The following SEC24A variants were observed in gnomAD, a reference collection of about 807,000 sequenced individuals.
SEC24A encodes the protein SEC24 homolog A, COPII component.
Under a neutral mutation model 129.4 loss-of-function variants are expected in SEC24A, and 93 were observed. The ratio of observed to expected loss-of-function variants is 0.72; its 90% CI spans 0.61 to 0.85. The LOEUF is 0.85. Among genes scored for constraint, SEC24A ranks in the 40% least tolerant of loss-of-function variants. The probability of loss-of-function intolerance (pLI) is 0.00; values close to 1 mark genes in which losing one functional copy is unlikely to be tolerated. For missense variants in SEC24A, 1,264 were observed against 1,307.4 expected (o/e 0.97, Z 0.51); for synonymous variants, 460 against 467.3 (o/e 0.98, Z 0.20).
Position 134,706,522 on chromosome 5 carries a change from C to T in SEC24A, c.2551+1085C>T, listed in dbSNP as rs1264613423. On this transcript the variant is annotated intron_variant, in intron 17 of 22. Transcript: ENST00000398844. ...ATTTTCTTTCTTTTGTTTTTGAAAA[C>T]AGTGTCTTGCTCTGTCACCCAGGGT... Among the ~76,000 whole-genome samples, 5 of 152,176 alleles carry T rather than the reference C, an allele frequency of 3.3e-5. No homozygotes were observed. In the East Asian group the frequency reaches 7.7e-4, roughly 24 times the overall value.
chr5:134,709,546 T>C (rs1459131152), intron 18 of SEC24A, among the ~76,000 whole-genome samples: 3 of 152,194 alleles, frequency 2.0e-5, no homozygotes, highest in Non-Finnish European at 2.9e-5. Flanking sequence ...TTCTCACTTA[T>C]ATGTGAAAGC....
At chr5:134,665,265 C>T (rs1297868170) in intron 2 of SEC24A, among the ~76,000 whole-genome samples, 1 of 151,104 alleles carries the variant, frequency 6.6e-6, no homozygotes, top group Non-Finnish European at 1.5e-5. Flanking sequence ...TCCAGCCTGG[C>T]CAATATGGTG....
chr5:134,677,644 C>T (rs1245184841), intron 7 of SEC24A, among the ~76,000 whole-genome samples: 1 of 151,482 alleles, frequency 6.6e-6, no homozygotes, highest in Non-Finnish European at 1.5e-5. Flanking sequence ...TCAAGACCAG[C>T]CTGGCCAACG....
Position 134,723,625 on chromosome 5 carries a change from G to C in SEC24A, c.3122G>C (p.Trp1041Ser). The C allele has an allele frequency of 1.2e-6, 2 of 1,612,940 alleles. No individual in the cohort carries two copies. Among genetic ancestry groups the C allele is most frequent in the South Asian group, 2.2e-5 (2 of 91,020 alleles). Reference protein sequence around the residue: ...ESARIIAFISWLREQRPFFPI... With the variant: ...ESARIIAFISSLREQRPFFPI... ...GCCAGAATAATAGCTTTCATCTCTT[G>C]GCTTAGAGAGCAGAGACCATTTTTC... Residue 1041 changes from tryptophan to serine, a missense_variant, in exon 22 of 23, where the codon TGG becomes TCG. Coordinates refer to ENST00000398844, the MANE Select transcript of SEC24A (RefSeq NM_021982.3).
At chr5:134,689,004 G>A (rs1254573134) in intron 11 of SEC24A, among the ~76,000 whole-genome samples, 1 of 152,098 alleles carries the variant, frequency 6.6e-6, no homozygotes, top group African/African-American at 2.4e-5. Context: ...TGACAAAGGT[G>A]CCTAGAACAA....
rs1022684749 is a variant in SEC24A at position 134,727,700 on chromosome 5, A to G, written c.*2606A>G. 1.3e-5 allele frequency: 2 copies of G among 152,544 alleles called. No homozygotes were observed. The highest frequency in any genetic ancestry group is 4.8e-5 in the African/African-American group (2 of 41,416). The allele number at this position is 152,544 out of a possible 1,614,324, so 9.4% of individuals were successfully genotyped here. ...ATTAAATTCTTGTTCTTAAATTCAA[A>G]TATGTATTGATCTTCAATGTGCTGT... On this transcript the variant is annotated 3_prime_UTR_variant, in exon 23 of 23. Coordinates refer to ENST00000398844, the MANE Select transcript of SEC24A (RefSeq NM_021982.3).
In SEC24A at chr5:134,708,770, C is replaced by T; in HGVS notation, c.2609C>T (p.Ala870Val). 6.2e-7 allele frequency: 1 copy of T among 1,614,012 alleles called. No individual in the cohort carries two copies. The highest frequency in any genetic ancestry group is 8.5e-7 in the Non-Finnish European group (1 of 1,179,896). ...LSDARDALVN[A>V]VIDSLSAYRS... The stretch of plus-strand genomic sequence containing the variant: ...GACGCTCGGGATGCTCTAGTGAATG[C>T]AGTCATTGACTCCCTTTCAGCTTAC... Residue 870 changes from alanine to valine, a missense_variant, in exon 18 of 23, where the codon GCA becomes GTA. Ala to Val is a moderately conservative substitution (Grantham distance 64, BLOSUM62 0). Transcript: ENST00000398844.
At chr5:134,697,815 A>C in intron 14 of SEC24A, 84 bp from the exon 15 acceptor site, 2 of 1,355,292 alleles carry the variant, frequency 1.5e-6, no homozygotes, top group Non-Finnish European at 2.0e-6. Flanking sequence ...AGTTAAAGAA[A>C]GATTGATTCC....
Position 134,725,352 on chromosome 5 carries a change from G to A in SEC24A, c.*258G>A, listed in dbSNP as rs1580748070. 3.6e-6 allele frequency: 1 copy of A among 278,990 alleles called. No homozygotes were observed. The highest frequency in any genetic ancestry group is 6.6e-6 in the Non-Finnish European group (1 of 151,072). The allele number at this position is 278,990 out of a possible 1,614,324, so 17.3% of individuals were successfully genotyped here. The stretch of plus-strand genomic sequence containing the variant: ...CTTTTTTCTTGCCAATTATGTTTGA[G>A]TTGTTATGGATTAAAATAAGAATAT... On this transcript the variant is annotated 3_prime_UTR_variant, in exon 23 of 23. Coordinates refer to ENST00000398844, the MANE Select transcript of SEC24A (RefSeq NM_021982.3).
At position 134,675,078 on chromosome 5, in the gene SEC24A, A is replaced by G. The variant is rs760894147; in HGVS notation, c.1012A>G (p.Met338Val). The change falls in exon 6 of 23, where the codon ATG (methionine) becomes GTG (valine). Residue 338 changes from methionine (M) to valine (V), a missense_variant. Transcript: ENST00000398844. ...AGGTGCTAATCATTTAACCACAAGC[A>G]TGAGTGGATTAAGTCTACAACCAGA... The part of the protein sequence containing the change: ...PLGANHLTTS[M>V]SGLSLQPEGL... 4.3e-6 allele frequency: 7 copies of G among 1,610,380 alleles called. No homozygotes were observed. The highest frequency in any genetic ancestry group is 5.9e-6 in the Non-Finnish European group (7 of 1,177,512).
At chr5:134,679,127 T>G (rs1751173216) in intron 7 of SEC24A, among the ~76,000 whole-genome samples, 1 of 152,114 alleles carries the variant, frequency 6.6e-6, no homozygotes, top group Non-Finnish European at 1.5e-5. Flanking sequence ...CTGTTGCCCA[T>G]GTTGGAGTGC....
At chr5:134,653,997 A>G (rs1219107704) in intron 1 of SEC24A, among the ~76,000 whole-genome samples, 1 of 151,784 alleles carries the variant, frequency 6.6e-6, no homozygotes, top group Admixed American at 6.6e-5. Flanking sequence ...TATCTATAAA[A>G]AAGTAAGAAA....
At chr5:134,658,169 A>T (rs1750314133) in intron 1 of SEC24A, among the ~76,000 whole-genome samples, 1 of 152,270 alleles carries the variant, frequency 6.6e-6, no homozygotes, top group Non-Finnish European at 1.5e-5. Flanking sequence ...CGAGAGGCTG[A>T]ATGAGGCAGG....
intron 21 of SEC24A, among the ~76,000 whole-genome samples, chr5:134,722,604 A>C (rs892475199): frequency 6.6e-6 from 1 of 152,098 alleles, no homozygotes; most frequent in African/African-American, 2.4e-5. Flanking sequence ...AAAAATAAAA[A>C]ACAATGGCAA....
intron 7 of SEC24A, among the ~76,000 whole-genome samples, chr5:134,677,186 C>T (rs1258698454): frequency 6.6e-6 from 1 of 152,004 alleles, no homozygotes; most frequent in Non-Finnish European, 1.5e-5. Flanking sequence ...TCAAGACCAG[C>T]TTAGTCCTGG....
At chr5:134,722,169 G>A (rs1227684336) in intron 21 of SEC24A, among the ~76,000 whole-genome samples, 1 of 152,094 alleles carries the variant, frequency 6.6e-6, no homozygotes, top group African/African-American at 2.4e-5. Flanking sequence ...GTTCACTTAT[G>A]TATTGTTTAT....
At chr5:134,720,532 C>T (rs1012717374) in intron 20 of SEC24A, among the ~76,000 whole-genome samples, 13 of 152,170 alleles carry the variant, frequency 8.5e-5, no homozygotes, top group African/African-American at 3.1e-4. Flanking sequence ...AATGTCTCAT[C>T]AGGTAAATAC....
chr5:134,717,748 T>A (rs113237360), intron 19 of SEC24A, among the ~76,000 whole-genome samples: 2 of 151,774 alleles, frequency 1.3e-5, no homozygotes, highest in African/African-American at 4.8e-5. Context: ...AAACTCCGTC[T>A]CTACTAAAAA....
intron 19 of SEC24A, among the ~76,000 whole-genome samples, chr5:134,716,308 A>T (rs1323012733): frequency 6.6e-6 from 1 of 151,724 alleles, no homozygotes; most frequent in Non-Finnish European, 1.5e-5. Flanking sequence ...TAAAAATACG[A>T]AAAACAAAAA....
Sources: gnomAD v4.1 joint callset for allele counts (sites outside exome capture counted in the v4.1 genomes callset) on GRCh38, gnomAD v4.1.1 for gene constraint, MANE v1.5 for transcripts, NCBI Gene and HGNC (gene_info 2026-07-23, HGNC 2026-07-21) for gene names.